CHRNA6: variants seen among roughly 807,000 people sequenced by gnomAD.
CHRNA6 encodes cholinergic receptor nicotinic alpha 6 subunit.
CHRNA6 carries 31 observed loss-of-function variants against 40.9 expected under a neutral mutation model. The observed-to-expected ratio is 0.76, with a 90% CI of 0.57 to 1.02. The LOEUF (loss-of-function observed/expected upper bound fraction) is 1.02. Ranked by LOEUF, CHRNA6 falls within the 50% of genes least tolerant of loss-of-function variation. The pLI is 0.00. For missense variants in CHRNA6, 546 were observed against 596.6 expected, an observed-to-expected ratio of 0.92 and a Z score of 0.88; for synonymous variants, 222 against 221.3, an observed-to-expected ratio of 1.00 and a Z score of -0.03.
rs200829161 is a variant in CHRNA6 at position 42,756,268 on chromosome 8, T to A, written c.931A>T (p.Met311Leu). The A allele has an allele frequency of 2.5e-6, 4 of 1,614,258 alleles. No individual in the cohort carries two copies. Among genetic ancestry groups the A allele is most frequent in the Non-Finnish European group, 1.7e-6 (2 of 1,180,042 alleles). The part of the protein sequence containing the change: ...PLVGEYLLFT[M>L]IFVTLSIVVT... ...ACGATGGACAGTGTGACAAAGATCATGGTGAACAGCAGGTACTCACCCACC... is the reference window on the plus strand; with the variant it reads ...ACGATGGACAGTGTGACAAAGATCAAGGTGAACAGCAGGTACTCACCCACC... Residue 311 changes from methionine to leucine, a missense_variant, in exon 5 of 6, where the codon ATG becomes TTG. Around this residue, in one of 3 missense-constraint regions of CHRNA6, gnomAD observed 476 missense variants for 494.5 expected, o/e 0.96. Coordinates refer to ENST00000276410, the MANE Select transcript of CHRNA6 (RefSeq NM_004198.3).
At chr8:42,759,773 G>T (rs764582840) in intron 2 of CHRNA6, among the ~76,000 whole-genome samples, 2 of 151,964 alleles carry the variant, frequency 1.3e-5, no homozygotes, top group Non-Finnish European at 2.9e-5. Flanking sequence ...GGTGGCGGGC[G>T]CCTGTAATCC....
At chr8:42,757,120 C>T in intron 3 of CHRNA6, 83 bp from the exon 4 acceptor site, 4 of 1,018,774 alleles carry the variant, frequency 3.9e-6, no homozygotes, top group Non-Finnish European at 6.0e-6. Context: ...AATCCCAGCA[C>T]TTTGGGAGGC....
chr8:42,754,564 A>C (rs578091703), intron 5 of CHRNA6, among the ~76,000 whole-genome samples: 1 of 152,268 alleles, frequency 6.6e-6, no homozygotes, highest in East Asian at 1.9e-4. Context: ...ACACATCTGC[A>C]TGACAGCCAT....
At chr8:42,753,744 C>A (rs571484774) in intron 5 of CHRNA6, among the ~76,000 whole-genome samples, 2 of 152,266 alleles carry the variant, frequency 1.3e-5, no homozygotes, top group East Asian at 3.9e-4. Context: ...GTACAGGACA[C>A]ATAAGAAATT....
At chr8:42,763,791 T>A (rs1313388860) in intron 2 of CHRNA6, among the ~76,000 whole-genome samples, 1 of 152,150 alleles carries the variant, frequency 6.6e-6, no homozygotes, top group African/African-American at 2.4e-5. Flanking sequence ...ATGCACACTT[T>A]CAGCCTGGGT....
At chr8:42,763,086 T>C (rs1586428046) in intron 2 of CHRNA6, among the ~76,000 whole-genome samples, 6 of 152,238 alleles carry the variant, frequency 3.9e-5, no homozygotes, top group Admixed American at 3.9e-4. Context: ...CCCTTCCTTA[T>C]GTTTCTTGCC....
rs566461792 is a variant in CHRNA6, at chr8:42,765,012, C to T, written c.219+53G>A. Reference sequence around the variant, plus strand: ...GTATTTCTAAAATTCCTTCATTTACCACCTGCAAAAGTGTAACAATGCTGG... The same window carrying T: ...GTATTTCTAAAATTCCTTCATTTACTACCTGCAAAAGTGTAACAATGCTGG... On this transcript the variant is annotated intron_variant, in intron 2 of 5. Coordinates refer to ENST00000276410, the MANE Select transcript of CHRNA6 (RefSeq NM_004198.3). The T allele has an allele frequency of 4.1e-5, 65 of 1,577,690 alleles. No individual in the cohort carries two copies. In the African/African-American group the frequency reaches 8.0e-4, roughly 19 times the overall value.
intron 1 of CHRNA6, 99 bp from the exon 2 acceptor site, chr8:42,765,303 TCC>T: frequency 7.5e-7 from 1 of 1,334,324 alleles, no homozygotes. Context: ...GGAGCGAATG[TCC>T]CAGCCCATGA....
intron 2 of CHRNA6, among the ~76,000 whole-genome samples, chr8:42,762,372 C>T (rs533665010): frequency 8.5e-5 from 13 of 152,282 alleles, no homozygotes; most frequent in Non-Finnish European, 1.3e-4. Context: ...CGCCATGGTC[C>T]AGGTGTGGTG....
chr8:42,766,938 G>C (rs1816984006), intron 1 of CHRNA6, among the ~76,000 whole-genome samples: 1 of 152,220 alleles, frequency 6.6e-6, no homozygotes, highest in South Asian at 2.1e-4. Flanking sequence ...TTCTGAGAAT[G>C]CAAGATTTTT....
intron 3 of CHRNA6, among the ~76,000 whole-genome samples, chr8:42,757,239 G>T (rs1448885037): frequency 6.6e-6 from 1 of 151,834 alleles, no homozygotes; most frequent in Non-Finnish European, 1.5e-5. Flanking sequence ...GGTGGCCAGC[G>T]CCTGTAGTCC....
intron 1 of CHRNA6, among the ~76,000 whole-genome samples, 160 bp from the exon 2 acceptor site, chr8:42,765,364 C>G (rs532846583): frequency 3.3e-5 from 5 of 152,346 alleles, no homozygotes; most frequent in African/African-American, 9.6e-5. Context: ...CAGTGCCCAT[C>G]TCACCCCACC....
In CHRNA6 at chr8:42,759,065, A is replaced by G; in HGVS notation, c.264+4T>C. On this transcript the variant is annotated splice_donor_region_variant and intron_variant, in intron 3 of 5. Transcript: ENST00000276410. ...TTAAGCCAACACATGATATAGGCACATACGTGACGCAGCCACAAATTGGTT... is the reference window on the plus strand; with the variant it reads ...TTAAGCCAACACATGATATAGGCACGTACGTGACGCAGCCACAAATTGGTT... The G allele has an allele frequency of 1.9e-6, 3 of 1,611,186 alleles. No individual in the cohort carries two copies. Among genetic ancestry groups the G allele is most frequent in the Non-Finnish European group, 2.5e-6 (3 of 1,177,278 alleles).
intron 2 of CHRNA6, among the ~76,000 whole-genome samples, chr8:42,760,839 C>T (rs1426611279): frequency 6.6e-6 from 1 of 152,210 alleles, no homozygotes; most frequent in Non-Finnish European, 1.5e-5. Flanking sequence ...TAAGCTACCA[C>T]CTCTCAGTGG....
chr8:42,765,476 T>C (rs1395890262), intron 1 of CHRNA6, among the ~76,000 whole-genome samples: 1 of 152,224 alleles, frequency 6.6e-6, no homozygotes, highest in African/African-American at 2.4e-5. Context: ...GGTCAGAGCA[T>C]TTCTTAAAGT....
At chr8:42,763,255 G>A (rs541087557) in intron 2 of CHRNA6, among the ~76,000 whole-genome samples, 50 of 152,266 alleles carry the variant, frequency 3.3e-4, no homozygotes, top group South Asian at 6.2e-4. Flanking sequence ...ATCACAGTCC[G>A]TTGGAGTGAC....
At chr8:42,768,240 T>A (rs1816998781) in intron 1 of CHRNA6, 112 bp downstream of exon 1, 1 of 802,210 alleles carries the variant, frequency 1.2e-6, no homozygotes, top group African/African-American at 1.7e-5. Context: ...TGGTGGCTCC[T>A]ATGCAGACCA....
chr8:42,766,678 A>G (rs1816980743), intron 1 of CHRNA6, among the ~76,000 whole-genome samples: 1 of 152,120 alleles, frequency 6.6e-6, no homozygotes, highest in Non-Finnish European at 1.5e-5. Flanking sequence ...TGAAACGGGG[A>G]GCTGAACAAT....
chr8:42,762,035 G>T (rs1816911876), intron 2 of CHRNA6, among the ~76,000 whole-genome samples: 1 of 152,168 alleles, frequency 6.6e-6, no homozygotes, highest in African/African-American at 2.4e-5. Context: ...AAATTTTCTG[G>T]CCAAGGTCAT....
Sources: allele counts gnomAD v4.1 joint callset (sites outside exome capture counted in the v4.1 genomes callset), GRCh38; gene constraint gnomAD v4.1.1; regional missense constraint gnomAD v4.1.1; transcripts MANE v1.5; gene names NCBI Gene and HGNC (gene_info 2026-07-23, HGNC 2026-07-21).